MYO9A: variants seen among roughly 807,000 people sequenced by gnomAD.
MYO9A encodes myosin IXA, also known as unconventional myosin-IXa.
A neutral mutation model predicts 293.3 loss-of-function variants in MYO9A; 103 were observed. That is an observed-to-expected ratio of 0.35 (90% CI 0.30 to 0.41). The LOEUF is 0.41. Ranked by LOEUF, MYO9A falls within the 10% of genes least tolerant of loss-of-function variation. The pLI, the probability that MYO9A is intolerant of heterozygous loss-of-function variation, is 1.00. For missense variants in MYO9A, 2,685 were observed against 3,033.0 expected (o/e 0.89, Z 2.69); for synonymous variants, 1,001 against 1,035.7 (o/e 0.97, Z 0.64).
At chr15:72,086,039 C>G (rs546978394) in intron 1 of MYO9A, among the ~76,000 whole-genome samples, 4 of 152,196 alleles carry the variant, frequency 2.6e-5, no homozygotes, top group Non-Finnish European at 5.9e-5. Flanking sequence ...TGCCCCTGGA[C>G]TACTTGTCAC....
intron 1 of MYO9A, among the ~76,000 whole-genome samples, chr15:72,116,044 A>G (rs748836323): frequency 3.2e-4 from 48 of 152,232 alleles, no homozygotes; most frequent in Admixed American, 1.3e-4. Flanking sequence ...AATGTAAAGT[A>G]TGCAACCATT....
intron 34 of MYO9A, among the ~76,000 whole-genome samples, chr15:71,859,527 T>G (rs1317064596): frequency 6.6e-6 from 1 of 152,222 alleles, no homozygotes; most frequent in African/African-American, 2.4e-5. Context: ...GGTAAAATAA[T>G]TCTATGAAAA....
At chr15:72,015,677 GA>G (rs1328053752) in intron 6 of MYO9A, among the ~76,000 whole-genome samples, 3 of 146,850 alleles carry the variant, frequency 2.0e-5, no homozygotes, top group African/African-American at 7.6e-5. Context: ...AAGTTACTCA[GA>G]TCAGGTTTTT....
At chr15:72,018,604 T>C (rs574078250) in intron 6 of MYO9A, among the ~76,000 whole-genome samples, 3 of 152,222 alleles carry the variant, frequency 2.0e-5, no homozygotes, top group South Asian at 4.2e-4. Context: ...GTAAAGACTG[T>C]TGATATATAA....
intron 1 of MYO9A, among the ~76,000 whole-genome samples, chr15:72,098,686 G>A (rs1209856186): frequency 5.9e-5 from 9 of 152,050 alleles, no homozygotes; most frequent in Admixed American, 2.0e-4. Flanking sequence ...TAACAGAAGT[G>A]ATCAGGTGTG....
intron 1 of MYO9A, among the ~76,000 whole-genome samples, chr15:72,078,986 A>C (rs1459762712): frequency 2.0e-5 from 3 of 152,236 alleles, no homozygotes; most frequent in African/African-American, 7.2e-5. Context: ...ATGAAAAGGT[A>C]AAAGCATGAG....
intron 1 of MYO9A, among the ~76,000 whole-genome samples, chr15:72,085,910 A>C (rs1043813135): frequency 6.6e-6 from 1 of 152,212 alleles, no homozygotes; most frequent in African/African-American, 2.4e-5. Context: ...GCCAAGGTTC[A>C]GCTCCTAACT....
At chr15:72,110,789 G>A (rs2080752867) in intron 1 of MYO9A, among the ~76,000 whole-genome samples, 1 of 152,164 alleles carries the variant, frequency 6.6e-6, no homozygotes, top group Non-Finnish European at 1.5e-5. Context: ...TAGACAGACT[G>A]CCCTAATATC....
At chr15:71,846,019 T>C (rs1252563056) in intron 39 of MYO9A, among the ~76,000 whole-genome samples, 2 of 152,206 alleles carry the variant, frequency 1.3e-5, no homozygotes, top group African/African-American at 4.8e-5. Context: ...AGTGAGTAAA[T>C]TTCAAGCTTT....
intron 12 of MYO9A, 51 bp from the exon 13 acceptor site, chr15:71,968,176 G>A: frequency 6.9e-7 from 1 of 1,439,660 alleles, no homozygotes; most frequent in Non-Finnish European, 9.3e-7. Flanking sequence ...TGAGAAAGAT[G>A]CGGTAATTAG....
chr15:72,097,063 C>T (rs564637306), intron 1 of MYO9A, among the ~76,000 whole-genome samples: 10 of 152,258 alleles, frequency 6.6e-5, no homozygotes, highest in South Asian at 6.2e-4. Flanking sequence ...GAAATGACAA[C>T]GAAGTATGTA....
At chr15:72,079,471 A>C (rs992464706) in intron 1 of MYO9A, among the ~76,000 whole-genome samples, 1 of 152,216 alleles carries the variant, frequency 6.6e-6, no homozygotes, top group African/African-American at 2.4e-5. Context: ...TTCTATCTGA[A>C]GATGAATATC....
chr15:72,033,572 A>G (rs1452469807), intron 2 of MYO9A, among the ~76,000 whole-genome samples: 1 of 152,258 alleles, frequency 6.6e-6, no homozygotes, highest in African/African-American at 2.4e-5. Context: ...ATCTATTTAT[A>G]TGAAATTCTA....
intron 15 of MYO9A, chr15:71,950,356 T>G (rs1210725961): frequency 6.6e-6 from 1 of 152,224 alleles, no homozygotes; most frequent in Non-Finnish European, 1.5e-5. Flanking sequence ...AAGATCCATA[T>G]GTAGCTGGCA....
Position 71,898,290 on chromosome 15 carries a change from T to C in MYO9A, c.4213A>G (p.Lys1405Glu), listed in dbSNP as rs370276139. Reference protein sequence around the residue: ...VVCSSESITCKPQLKDSFISN... With the variant: ...VVCSSESITCEPQLKDSFISN... Reference sequence around the variant, plus strand: ...ATGAAGGAGTCTTTCAGCTGTGGTTTACAGGTAATAGACTCAGAACTGCAG... The same window carrying C: ...ATGAAGGAGTCTTTCAGCTGTGGTTCACAGGTAATAGACTCAGAACTGCAG... Residue 1405 changes from lysine to glutamate, a missense_variant, in exon 25 of 42, where the codon AAA becomes GAA. By Grantham distance (56) the Lys-to-Glu change is moderately conservative. Coordinates refer to ENST00000356056, the MANE Select transcript of MYO9A (RefSeq NM_006901.4). 4.3e-6 allele frequency: 7 copies of C among 1,614,030 alleles called. No individual in the cohort carries two copies. In the African/African-American group the frequency reaches 9.3e-5, roughly 22 times the overall value.
At chr15:72,019,576 T>A (rs2077440216) in intron 5 of MYO9A, among the ~76,000 whole-genome samples, 1 of 152,208 alleles carries the variant, frequency 6.6e-6, no homozygotes, top group Non-Finnish European at 1.5e-5. Context: ...TATTTAATTC[T>A]ATGTGTAAAA....
Position 72,029,586 on chromosome 15 carries a change from A to T in MYO9A, c.936-1793T>A, listed in dbSNP as rs149689198. Among the ~76,000 whole-genome samples, 529 of 152,364 alleles carry T rather than the reference A, an allele frequency of 3.5e-3. 2 individuals carry two copies. The highest frequency in any genetic ancestry group is 5.6e-3 in the Non-Finnish European group (383 of 68,026). ...CTACTGAAACATCACTGTGTGGTGT[A>T]TGACCCAAGTTACGTATGACTAGAG... On this transcript the variant is annotated intron_variant, in intron 3 of 41. Coordinates refer to ENST00000356056, the MANE Select transcript of MYO9A (RefSeq NM_006901.4).
chr15:71,892,911 A>G (rs1271304617), intron 26 of MYO9A: 1 of 1,097,478 alleles, frequency 9.1e-7, no homozygotes, highest in Non-Finnish European at 1.2e-6. Context: ...AGATTAGCAA[A>G]GACTATTTCC....
chr15:71,928,526 T>C (rs1396404167), intron 18 of MYO9A, among the ~76,000 whole-genome samples: 2 of 152,156 alleles, frequency 1.3e-5, no homozygotes, highest in African/African-American at 4.8e-5. Context: ...TGAATCACTC[T>C]GGGCAATATG....
Sources: gnomAD v4.1 joint callset for allele counts (sites outside exome capture counted in the v4.1 genomes callset) on GRCh38, gnomAD v4.1.1 for gene constraint, MANE v1.5 for transcripts, NCBI Gene and HGNC (gene_info 2026-07-23, HGNC 2026-07-21) for gene names.